The following CHODL variants were observed in gnomAD, a reference collection of about 807,000 sequenced individuals.
CHODL encodes transmembrane protein MT75.
CHODL carries 29 observed loss-of-function variants against 34.5 expected under a neutral mutation model. The observed-to-expected ratio is 0.84, with a 90% CI of 0.63 to 1.15. The LOEUF (loss-of-function observed/expected upper bound fraction) is 1.15. Among genes scored for constraint, CHODL ranks in the 50% most tolerant of loss-of-function variants. CHODL has a pLI of 0.00. For missense variants in CHODL, 332 were observed against 332.5 expected (o/e 1.00, Z 0.01); for synonymous variants, 125 against 116.1 (o/e 1.08, Z -0.49).
chr21:18,218,011 G>A lies in CHODL; in HGVS notation c.-44-38498G>A, dbSNP rs554341119. Among the ~76,000 whole-genome samples the A allele has an allele frequency of 7.7e-4, 117 of 152,322 alleles. 2 individuals carry two copies. The South Asian group carries it at 0.014, about 18-fold the overall frequency. On this transcript the variant is annotated intron_variant, in intron 2 of 6. Coordinates refer to the CHODL transcript ENST00000400127. Reference sequence around the variant, plus strand: ...CACACATGTAGCTTTACTGTGTACAGTCCCACTCTGGGCTGCTTTCACAGG... The same window carrying A: ...CACACATGTAGCTTTACTGTGTACAATCCCACTCTGGGCTGCTTTCACAGG...
At chr21:18,170,516 G>T (rs982012608) in intron 2 of CHODL, among the ~76,000 whole-genome samples, 1 of 151,934 alleles carries the variant, frequency 6.6e-6, no homozygotes, top group Non-Finnish European at 1.5e-5. Context: ...GGGTTAAACA[G>T]GTATTTTCTG....
At chr21:18,200,988 T>C (rs1056175127) in intron 2 of CHODL, among the ~76,000 whole-genome samples, 8 of 152,266 alleles carry the variant, frequency 5.3e-5, no homozygotes, top group African/African-American at 1.9e-4. Flanking sequence ...CCCTGCCAAC[T>C]CCTTGATTGC....
Position 17,970,645 on chromosome 21 carries a change from T to C in CHODL, c.-145+53245T>C, listed in dbSNP as rs115444375. On this transcript the variant is annotated intron_variant, in intron 1 of 6. Coordinates refer to the CHODL transcript ENST00000400127. Reference sequence around the variant, plus strand: ...TTTTGGTGAACTAGTGGTATTTGGTTGCATGAATAAGTCCTTTAGTGGTGA... The same window carrying C: ...TTTTGGTGAACTAGTGGTATTTGGTCGCATGAATAAGTCCTTTAGTGGTGA... 3.2e-4 allele frequency among the ~76,000 whole-genome samples: 48 copies of C among 152,324 alleles called. No homozygotes were observed. In the South Asian group the frequency reaches 6.6e-3, roughly 21 times the overall value.
intron 2 of CHODL, among the ~76,000 whole-genome samples, chr21:18,217,509 C>T (rs2073841902): frequency 1.3e-5 from 2 of 152,080 alleles, no homozygotes; most frequent in South Asian, 2.1e-4. Flanking sequence ...ACTCAATAAC[C>T]TCCCATTGCG....
At position 18,169,444 on chromosome 21, in the gene CHODL, T is replaced by TTA. The variant is rs1555878431; in HGVS notation, c.-44-87065_-44-87064insTA. 4.0e-5 allele frequency among the ~76,000 whole-genome samples: 6 copies of TTA among 151,800 alleles called. 1 individual carries two copies. The highest frequency in any genetic ancestry group is 3.9e-4 in the Admixed American group (6 of 15,258). ...TGCCATTTTCTTGATCTTTTTTTTTTATCTTGATCTATTTATCTATCTTTA... is the reference window on the plus strand; with the variant it reads ...TGCCATTTTCTTGATCTTTTTTTTTTTAATCTTGATCTATTTATCTATCTTTA... On this transcript the variant is annotated intron_variant, in intron 2 of 6. Transcript: ENST00000400127.
intron 1 of CHODL, among the ~76,000 whole-genome samples, chr21:17,917,915 C>T (rs1193817018): frequency 2.9e-5 from 4 of 137,950 alleles, no homozygotes; most frequent in Non-Finnish European, 3.3e-5. Flanking sequence ...GTAGTTCTGC[C>T]GTTCTTGAAG....
chr21:18,143,129 A>C (rs1568907958), intron 2 of CHODL, among the ~76,000 whole-genome samples: 1 of 152,202 alleles, frequency 6.6e-6, no homozygotes, highest in Non-Finnish European at 1.5e-5. Context: ...CCTAGAGGGA[A>C]ACACTCTGTA....
intron 2 of CHODL, among the ~76,000 whole-genome samples, chr21:18,033,909 A>G (rs1213714045): frequency 1.3e-5 from 2 of 152,074 alleles, no homozygotes; most frequent in Non-Finnish European, 2.9e-5. Flanking sequence ...CTATATTCTC[A>G]CAAAAATACT....
intron 2 of CHODL, among the ~76,000 whole-genome samples, chr21:18,190,571 A>G (rs1279661194): frequency 6.6e-6 from 1 of 152,244 alleles, no homozygotes; most frequent in Non-Finnish European, 1.5e-5. Flanking sequence ...GAAGCACATT[A>G]TTTAGTAGCA....
intron 2 of CHODL, among the ~76,000 whole-genome samples, chr21:18,219,023 C>G (rs2073857993): frequency 6.6e-6 from 1 of 152,184 alleles, no homozygotes; most frequent in South Asian, 2.1e-4. Flanking sequence ...TTTGAGCCCT[C>G]TAAACTGTTC....
At chr21:17,975,153 T>C (rs541646872) in intron 1 of CHODL, among the ~76,000 whole-genome samples, 28 of 151,978 alleles carry the variant, frequency 1.8e-4, no homozygotes, top group Non-Finnish European at 3.2e-4. Context: ...TGGTGAAAGA[T>C]TATGTCCTTT....
At chr21:18,173,187 A>G (rs925542049) in intron 2 of CHODL, among the ~76,000 whole-genome samples, 1 of 152,196 alleles carries the variant, frequency 6.6e-6, no homozygotes, top group Admixed American at 6.5e-5. Flanking sequence ...CCTAAATTCA[A>G]TTGATTAGAG....
intron 2 of CHODL, among the ~76,000 whole-genome samples, chr21:18,096,494 G>A (rs1167093247): frequency 6.6e-6 from 1 of 152,130 alleles, no homozygotes; most frequent in Non-Finnish European, 1.5e-5. Flanking sequence ...TGTATTCCCA[G>A]GGGAGGTCTA....
At chr21:18,061,873 TGTAA>T (rs201838672) in intron 2 of CHODL, among the ~76,000 whole-genome samples, 3,140 of 152,270 alleles carry the variant, frequency 0.021, 92 homozygotes, top group African/African-American at 0.067. Flanking sequence ...TCAGCAGCTG[TGTAA>T]GTGAGTTATC....
intron 2 of CHODL, among the ~76,000 whole-genome samples, chr21:18,229,257 C>T (rs10439694): frequency 0.22 from 34,078 of 151,980 alleles, 3,947 homozygotes; most frequent in Middle Eastern, 0.28. Context: ...CTTGTGTATT[C>T]GTAAGATTTT....
chr21:18,051,455 A>G (rs977133534), intron 2 of CHODL, among the ~76,000 whole-genome samples: 6 of 149,304 alleles, frequency 4.0e-5, no homozygotes, highest in Non-Finnish European at 8.9e-5. Flanking sequence ...TATGTGACAC[A>G]TTCTGGGCTT....
At chr21:18,126,689 A>G (rs1210311475) in intron 2 of CHODL, among the ~76,000 whole-genome samples, 1 of 152,170 alleles carries the variant, frequency 6.6e-6, no homozygotes, top group Middle Eastern at 3.2e-3. Context: ...GACAGCAGAA[A>G]ACTCCAATTA....
At chr21:18,049,857 T>G (rs1354755658) in intron 2 of CHODL, among the ~76,000 whole-genome samples, 2 of 152,096 alleles carry the variant, frequency 1.3e-5, no homozygotes, top group South Asian at 4.1e-4. Flanking sequence ...AACACATGAA[T>G]TTTTTGGGAA....
At chr21:18,174,129 A>ATATATATATATATATCTTGG (rs2073267941) in intron 2 of CHODL, among the ~76,000 whole-genome samples, 1 of 11,336 alleles carries the variant, frequency 8.8e-5, no homozygotes, top group African/African-American at 1.5e-4. Context: ...TGGTGTATAT[A>ATATATATATATATATCTTGG]TATATATATA....
Sources: allele counts gnomAD v4.1 joint callset (sites outside exome capture counted in the v4.1 genomes callset), GRCh38; gene constraint gnomAD v4.1.1; transcripts MANE v1.5; gene names NCBI Gene and HGNC (gene_info 2026-07-23, HGNC 2026-07-21).